USP42: variants seen among roughly 807,000 people sequenced by gnomAD.
The protein encoded by USP42 is ubiquitin carboxyl-terminal hydrolase 42.
In USP42, 23 loss-of-function variants were observed where a neutral mutation model predicts 113.0. That is an observed-to-expected ratio of 0.20 (90% CI 0.15 to 0.29). The LOEUF (loss-of-function observed/expected upper bound fraction) is 0.29. Among genes scored for constraint, USP42 ranks in the 10% least tolerant of loss-of-function variants. The pLI is 1.00. For missense variants in USP42, 2,174 were observed against 1,779.8 expected (o/e 1.22, Z -3.99); for synonymous variants, 933 against 699.0 (o/e 1.33, Z -5.28).
At position 6,111,570 on chromosome 7, in the gene USP42, G is replaced by C. The variant is rs571365775; in HGVS notation, c.241+196G>C. 6.6e-5 allele frequency among the ~76,000 whole-genome samples: 10 copies of C among 151,072 alleles called. No individual in the cohort carries two copies. The South Asian group carries it at 1.9e-3, about 29-fold the overall frequency. ...CTGACAACAGGGTAGATTGTTTTTA[G>C]TTGCTAGAATATTATTAGTTTCTTT... On this transcript the variant is annotated intron_variant, in intron 2 of 17. Coordinates refer to ENST00000306177, the MANE Select transcript of USP42 (RefSeq NM_032172.3).
In USP42 at chr7:6,156,931, C is replaced by G. The variant is rs754015722; in HGVS notation, c.3819C>G (p.Ala1273=). Residue 1273 remains alanine, a synonymous_variant, in exon 16 of 18, where the codon GCC becomes GCG. Transcript: ENST00000306177. ...AGACTGTCGCCCAGTTCCGGAGAGC[C>G]CAGGGTGGCTTTCCTCTCTCTGGTG... ...SLETVAQFRR[A]QGGFPLSGGP... is the part of the protein sequence containing the mutation. The G allele has an allele frequency of 6.2e-7, 1 of 1,613,940 alleles. No homozygotes were observed. Among genetic ancestry groups the G allele is most frequent in the Non-Finnish European group, 8.5e-7 (1 of 1,179,850 alleles).
chr7:6,142,885 A>C (rs1250123528), intron 7 of USP42, 47 bp from the exon 8 acceptor site: 1 of 1,596,482 alleles, frequency 6.3e-7, no homozygotes, highest in Admixed American at 1.7e-5. Context: ...CCCAAACACA[A>C]GTGACGGTGT....
chr7:6,085,254 G>A, the USP42 span: 1 of 150,314 alleles, frequency 6.7e-6, no homozygotes, highest in African/African-American at 2.5e-5. Context: ...AGAGTAGCTG[G>A]GACTACAGGT....
chr7:6,104,226 G>A (rs1779119191), upstream of USP42, among the ~76,000 whole-genome samples: 2 of 151,424 alleles, frequency 1.3e-5, no homozygotes, highest in African/African-American at 2.5e-5. Context: ...GGGACTACAG[G>A]CGCGCGCCAC....
intron 1 of USP42, among the ~76,000 whole-genome samples, chr7:6,108,064 G>A (rs1401541589): frequency 1.3e-5 from 2 of 152,122 alleles, no homozygotes; most frequent in East Asian, 3.9e-4. Context: ...CGCACCTGTA[G>A]TCCCAGCTAC....
intron 1 of USP42, among the ~76,000 whole-genome samples, chr7:6,108,772 C>T (rs905426146): frequency 6.6e-6 from 1 of 152,180 alleles, no homozygotes; most frequent in Non-Finnish European, 1.5e-5. Context: ...AGCCACTGCG[C>T]CCAGCCTCAA....
In USP42 at chr7:6,139,057, A is replaced by G; in HGVS notation, c.554-35A>G. On this transcript the variant is annotated intron_variant, in intron 4 of 17. Transcript: ENST00000306177. The surrounding 1 kb of genome is among the most constrained non-coding windows in gnomAD (Gnocchi z 4.5). ...GGTACAACTTAGGCTTATTACGTGTAATGATAAAGCCTTGTCTTTACCGAA... is the reference window on the plus strand; with the variant it reads ...GGTACAACTTAGGCTTATTACGTGTGATGATAAAGCCTTGTCTTTACCGAA... 6.9e-7 allele frequency: 1 copy of G among 1,439,996 alleles called. No homozygotes were observed. Among genetic ancestry groups the G allele is most frequent in the Non-Finnish European group, 9.6e-7 (1 of 1,045,302 alleles). The allele number at this position is 1,439,996 out of a possible 1,614,324, so 89.2% of individuals were successfully genotyped here. A position where few individuals can be genotyped will look rare whatever the true frequency, so the allele number is the denominator to read the frequency against.
rs904387731 is a variant in USP42, at chr7:6,154,878, G to A, written c.3324G>A (p.Glu1108=). 3 of 1,529,444 alleles carry A rather than the reference G, an allele frequency of 2.0e-6. No homozygotes were observed. Among genetic ancestry groups the A allele is most frequent in the Non-Finnish European group, 1.8e-6 (2 of 1,136,774 alleles). 94.7% of individuals were successfully genotyped at this position (1,529,444 alleles called of 1,614,324 possible). A position where few individuals can be genotyped will look rare whatever the true frequency, so the allele number is the denominator to read the frequency against. The change falls in exon 15 of 18, where the codon GAG becomes GAA. Residue 1108 remains glutamate, a synonymous_variant. Transcript: ENST00000306177. The part of the protein sequence containing the change: ...RGRRGCEPAR[E]RERHRPSSPR... ...GTAGGGGCTGCGAGCCGGCCCGGGA[G>A]AGGGAGCGGCACCGCCCCAGCAGCC...
At chr7:6,124,000 T>C (rs965576643) in intron 3 of USP42, among the ~76,000 whole-genome samples, 18 of 151,972 alleles carry the variant, frequency 1.2e-4, no homozygotes, top group African/African-American at 4.3e-4. Context: ...CTCGGTCTCC[T>C]AAGTAGCTGG....
chr7:6,129,469 A>G (rs926143957), intron 3 of USP42, among the ~76,000 whole-genome samples: 1 of 150,478 alleles, frequency 6.6e-6, no homozygotes, highest in Non-Finnish European at 1.5e-5. Context: ...AGGAAGGAGA[A>G]TTGTTTGAAT....
rs1781915538 is a variant in USP42 at position 6,149,564 on chromosome 7, G to A, written c.1387-19G>A. Reference sequence around the variant, plus strand: ...CATGTTTCTGGAGCTCTGACCAGGTGCGCTCTGCTTACTTCCAGAATCCAC... The same window carrying A: ...CATGTTTCTGGAGCTCTGACCAGGTACGCTCTGCTTACTTCCAGAATCCAC... On this transcript the variant is annotated intron_variant, in intron 12 of 17. Transcript: ENST00000306177. 3 of 1,601,936 alleles carry A rather than the reference G, an allele frequency of 1.9e-6. No individual in the cohort carries two copies. Among genetic ancestry groups the A allele is most frequent in the Admixed American group, 3.4e-5 (2 of 59,402 alleles).
intron 3 of USP42, among the ~76,000 whole-genome samples, chr7:6,122,370 C>G (rs890164039): frequency 2.6e-5 from 4 of 151,488 alleles, no homozygotes; most frequent in Non-Finnish European, 4.4e-5. Context: ...ACTGCACCCT[C>G]AACCTTCTGG....
chr7:6,146,974 C>A (rs1459788318), intron 11 of USP42, among the ~76,000 whole-genome samples: 1 of 152,254 alleles, frequency 6.6e-6, no homozygotes, highest in Admixed American at 6.5e-5. Flanking sequence ...GCACCCGCAC[C>A]CAGCTCTGTC....
At chr7:6,144,240 C>T (rs933168815) in intron 9 of USP42, 44 bp downstream of exon 9, 9 of 1,299,140 alleles carry the variant, frequency 6.9e-6, no homozygotes, top group African/African-American at 1.5e-5. Context: ...TCGAGCCTTT[C>T]GAAGCTTAAC....
At chr7:6,138,034 C>T (rs949674552) in intron 4 of USP42, among the ~76,000 whole-genome samples, 23 of 152,120 alleles carry the variant, frequency 1.5e-4, no homozygotes, top group African/African-American at 5.1e-4. Flanking sequence ...CATTTTTAAA[C>T]CTAGTCTTTT....
the USP42 span, among the ~76,000 whole-genome samples, chr7:6,099,496 G>C: frequency 6.6e-6 from 1 of 150,658 alleles, no homozygotes; most frequent in Non-Finnish European, 1.5e-5. Flanking sequence ...TTACAGGCGT[G>C]AGCCACTGTG....
intron 1 of USP42, among the ~76,000 whole-genome samples, chr7:6,107,491 C>T (rs990714494): frequency 1.4e-4 from 21 of 150,418 alleles, no homozygotes; most frequent in Non-Finnish European, 4.4e-5. Flanking sequence ...CTCACCACAA[C>T]CTCTGCCTCC....
At chr7:6,125,035 G>A (rs533233767) in intron 3 of USP42, among the ~76,000 whole-genome samples, 2 of 151,706 alleles carry the variant, frequency 1.3e-5, no homozygotes, top group Non-Finnish European at 2.9e-5. Context: ...ACAAAAATTA[G>A]CCGGGTGTGG....
the USP42 span, among the ~76,000 whole-genome samples, chr7:6,089,565 C>A: frequency 6.7e-6 from 1 of 148,562 alleles, no homozygotes. Flanking sequence ...TGGAGTCTCA[C>A]CCTGTCTCCC....
Sources: allele counts gnomAD v4.1 joint callset (sites outside exome capture counted in the v4.1 genomes callset), GRCh38; gene constraint gnomAD v4.1.1; non-coding constraint Gnocchi (gnomAD v3.1); transcripts MANE v1.5; gene names NCBI Gene and HGNC (gene_info 2026-07-23, HGNC 2026-07-21).